ZBTB25: variants seen among roughly 807,000 people sequenced by gnomAD.
ZBTB25 encodes the protein zinc finger and BTB domain containing 25, also known as zinc finger and BTB domain-containing protein 25.
A neutral mutation model predicts 34.2 loss-of-function variants in ZBTB25; 20 were observed. The ratio of observed to expected loss-of-function variants is 0.58; its 90% CI spans 0.41 to 0.85. The LOEUF (loss-of-function observed/expected upper bound fraction) is 0.85. ZBTB25 is among the 40% of genes least tolerant of loss of function. The pLI is 0.00. For missense variants in ZBTB25, 437 were observed against 521.8 expected, an observed-to-expected ratio of 0.84 and a Z score of 1.58; for synonymous variants, 175 against 186.4, an observed-to-expected ratio of 0.94 and a Z score of 0.50.
At chr14:64,503,294 G>A (rs762425688) in intron 1 of ZBTB25, 4 of 985,450 alleles carry the variant, frequency 4.1e-6, no homozygotes, top group Non-Finnish European at 4.8e-6. Flanking sequence ...CTCGTAAGAG[G>A]GGTCGGCGCT....
chr14:64,455,117 T>A (rs2140989526), intron 2 of ZBTB25: 1 of 498,120 alleles, frequency 2.0e-6, no homozygotes, highest in Non-Finnish European at 3.7e-6. Context: ...GAATAAAAAA[T>A]TCTGTTTCCC....
At chr14:64,474,671 C>A (rs1268686598), downstream of ZBTB25, among the ~76,000 whole-genome samples, 2 of 152,156 alleles carry the variant, frequency 1.3e-5, no homozygotes, top group African/African-American at 4.8e-5. Flanking sequence ...AGTCCTTCAG[C>A]AAGACAAATA....
rs116121397 is a variant in ZBTB25 at position 64,466,442 on chromosome 14, C to G, written c.174-16804G>C. On this transcript the variant is annotated intron_variant, in intron 2 of 2. Coordinates refer to the ZBTB25 transcript ENST00000555220. ...TCCTAAACATCTCATTTCAATATTT[C>G]TATTATGTGGTAATACAGCCTCTGC... 7.5e-3 allele frequency among the ~76,000 whole-genome samples: 1,141 copies of G among 152,264 alleles called. 7 individuals carry two copies. Among genetic ancestry groups the G allele is most frequent in the African/African-American group, 0.027 (1,102 of 41,548 alleles).
At chr14:64,469,743 C>A in intron 2 of ZBTB25, 1 of 1,185,282 alleles carries the variant, frequency 8.4e-7, no homozygotes, top group Non-Finnish European at 1.2e-6. Context: ...ACATTTGTGG[C>A]ATTTCTTACT....
At chr14:64,489,433 C>T (rs1246857367) in intron 2 of ZBTB25, among the ~76,000 whole-genome samples, 2 of 152,120 alleles carry the variant, frequency 1.3e-5, no homozygotes, top group African/African-American at 4.8e-5. Context: ...TCTCAGTTTT[C>T]TTTTTCCTGA....
chr14:64,460,801 G>GGA, intron 2 of ZBTB25: 1 of 152,272 alleles, frequency 6.6e-6, no homozygotes, highest in East Asian at 2.0e-4. Context: ...CGAGGTGGGC[G>GGA]GATCACTTGA....
At chr14:64,502,550 T>C (rs2079531266) in intron 1 of ZBTB25, 1 of 813,838 alleles carries the variant, frequency 1.2e-6, no homozygotes, top group African/African-American at 1.9e-5. Flanking sequence ...GTTCCAAAAA[T>C]ACACCATAGG....
In ZBTB25 at chr14:64,483,074, T is replaced by G. The variant is rs2141016145; in HGVS notation, c.*3849A>C. 6.6e-6 allele frequency: 1 copy of G among 152,214 alleles called. No individual in the cohort carries two copies. Among genetic ancestry groups the G allele is most frequent in the East Asian group, 1.9e-4 (1 of 5,184 alleles). 9.4% of individuals were successfully genotyped at this position (152,214 alleles called of 1,614,324 possible). ...TATTTTTCTCCAGAAAACAACTGCGTGAGATTTCAAAAGAAGGAAAAATTT... is the reference window on the plus strand; with the variant it reads ...TATTTTTCTCCAGAAAACAACTGCGGGAGATTTCAAAAGAAGGAAAAATTT... On this transcript the variant is annotated 3_prime_UTR_variant, in exon 3 of 3. Transcript: ENST00000608382.
chr14:64,487,709 A>G lies in ZBTB25; in HGVS notation c.522T>C (p.Ile174=). 1.2e-6 allele frequency: 2 copies of G among 1,613,534 alleles called. No homozygotes were observed. Among genetic ancestry groups the G allele is most frequent in the Non-Finnish European group, 1.7e-6 (2 of 1,179,770 alleles). The change falls in exon 3 of 3, where the codon ATT becomes ATC. Residue 174 remains isoleucine, a synonymous_variant. Transcript: ENST00000608382. ...GGTCTGCAGTGCCATCATCCAGACC[A>G]ATAGCAAGAGACAACTGCAACTGGG... ...DHPQLQLSLA[I]GLDDGTADQQ...
Position 64,485,931 on chromosome 14 carries a change from C to T in ZBTB25, c.*992G>A, listed in dbSNP as rs905532381. 37 of 985,216 alleles carry T rather than the reference C, an allele frequency of 3.8e-5. No individual in the cohort carries two copies. The highest frequency in any genetic ancestry group is 6.2e-5 in the Admixed American group (1 of 16,260). 61.0% of individuals were successfully genotyped at this position (985,216 alleles called of 1,614,324 possible). Reference sequence around the variant, plus strand: ...CTAGCTCAGTCTCTGTCTCTGCATGCTTATTTATCTATGTGTGTATATCTT... The same window carrying T: ...CTAGCTCAGTCTCTGTCTCTGCATGTTTATTTATCTATGTGTGTATATCTT... On this transcript the variant is annotated 3_prime_UTR_variant, in exon 3 of 3. Coordinates refer to ENST00000608382, the MANE Select transcript of ZBTB25 (RefSeq NM_006977.5).
intron 2 of ZBTB25, chr14:64,468,649 T>A (rs757031439): frequency 6.2e-7 from 1 of 1,613,918 alleles, no homozygotes; most frequent in Admixed American, 1.7e-5. Context: ...TCAAACGTCT[T>A]GTAACACGCA....
chr14:64,450,714 G>C (rs1318869036), intron 2 of ZBTB25, among the ~76,000 whole-genome samples: 3 of 151,910 alleles, frequency 2.0e-5, no homozygotes, highest in Admixed American at 6.6e-5. Context: ...TTTTTGTTTT[G>C]TTTTTTGTTT....
rs773794128 is a variant in ZBTB25 at position 64,487,433 on chromosome 14, T to A, written c.798A>T (p.Pro266=). The change falls in exon 3 of 3, where the codon CCA becomes CCT. Residue 266 remains proline (P), a synonymous_variant. Transcript: ENST00000608382. Reference sequence around the variant, plus strand: ...CCAGAATGGAAGCAGGGACACCGAATGGCAGGGATCCAGACACATGTGTAT... The same window carrying A: ...CCAGAATGGAAGCAGGGACACCGAAAGGCAGGGATCCAGACACATGTGTAT... The part of the protein sequence containing the change: ...HLHTHVSGSL[P]FGVPASILES... 4 of 1,614,230 alleles carry A rather than the reference T, an allele frequency of 2.5e-6. No homozygotes were observed. The East Asian group carries it at 8.9e-5, about 36-fold the overall frequency.
intron 2 of ZBTB25, among the ~76,000 whole-genome samples, chr14:64,452,909 CAG>C (rs1451147715): frequency 6.6e-6 from 1 of 151,728 alleles, no homozygotes; most frequent in Non-Finnish European, 1.5e-5. Context: ...TTTAAAGAGA[CAG>C]AGTGTTGCTA....
In ZBTB25 at chr14:64,486,858, G is replaced by A. The variant is rs1170408712; in HGVS notation, c.*65C>T. On this transcript the variant is annotated 3_prime_UTR_variant, in exon 3 of 3. Transcript: ENST00000608382. Reference sequence around the variant, plus strand: ...AAACTTGAGGAGGAAAATAATTTATGAATTAAAAATGCCACGCAAATTTTC... The same window carrying A: ...AAACTTGAGGAGGAAAATAATTTATAAATTAAAAATGCCACGCAAATTTTC... 3.3e-6 allele frequency: 5 copies of A among 1,501,796 alleles called. No individual in the cohort carries two copies. Among genetic ancestry groups the A allele is most frequent in the Non-Finnish European group, 4.4e-6 (5 of 1,129,358 alleles). 93.0% of individuals were successfully genotyped at this position (1,501,796 alleles called of 1,614,324 possible). A position where few individuals can be genotyped will look rare whatever the true frequency, so the allele number is the denominator to read the frequency against.
chr14:64,463,718 G>A (rs911277675), intron 2 of ZBTB25, among the ~76,000 whole-genome samples: 2 of 151,628 alleles, frequency 1.3e-5, no homozygotes, highest in African/African-American at 4.8e-5. Flanking sequence ...GATTGCTTGA[G>A]CCAGGGATTG....
At chr14:64,476,630 A>G (rs1003446193), downstream of ZBTB25, among the ~76,000 whole-genome samples, 5 of 152,142 alleles carry the variant, frequency 3.3e-5, no homozygotes, top group African/African-American at 1.2e-4. Flanking sequence ...TCAAAACTAG[A>G]GTATTTCTAT....
chr14:64,455,016 T>G, intron 2 of ZBTB25: 1 of 850,612 alleles, frequency 1.2e-6, no homozygotes. Flanking sequence ...ATGATTGCTG[T>G]GGATCATAAG....
In ZBTB25 at chr14:64,487,363, C is replaced by T. The variant is rs758393034; in HGVS notation, c.868G>A (p.Glu290Lys). ...GEVHPLNENS[E>K]ALECRRLSSF... Reference sequence around the variant, plus strand: ...CTGAGCCTGCGGCATTCAAGGGCCTCGCTGTTTTCATTAAGGGGATGCACT... The same window carrying T: ...CTGAGCCTGCGGCATTCAAGGGCCTTGCTGTTTTCATTAAGGGGATGCACT... Residue 290 changes from glutamate to lysine, a missense_variant, in exon 3 of 3, where the codon GAG becomes AAG. Transcript: ENST00000608382. The T allele has an allele frequency of 1.8e-5, 29 of 1,613,936 alleles. No homozygotes were observed. In the East Asian group the frequency reaches 4.2e-4, roughly 24 times the overall value.
Sources: allele counts gnomAD v4.1 joint callset (sites outside exome capture counted in the v4.1 genomes callset), GRCh38; gene constraint gnomAD v4.1.1; transcripts MANE v1.5; gene names NCBI Gene and HGNC (gene_info 2026-07-23, HGNC 2026-07-21).